SGO2: variants seen among roughly 807,000 people sequenced by gnomAD.
SGO2 encodes the protein shugoshin-like 2.
In SGO2, 68 loss-of-function variants were observed where a neutral mutation model predicts 99.5. The observed-to-expected ratio is 0.68, with a 90% CI of 0.56 to 0.84. The LOEUF (loss-of-function observed/expected upper bound fraction) is 0.84, where lower values mean the gene tolerates loss of function less well. Ranked by LOEUF, SGO2 falls within the 40% of genes least tolerant of loss-of-function variation. SGO2 has a pLI of 0.00. For synonymous variants in SGO2, 457 were observed against 487.1 expected (o/e 0.94, Z 0.81); for missense variants, 1,350 against 1,436.7 (o/e 0.94, Z 0.97).
chr2:200,563,991 G>T (rs2033084309), intron 5 of SGO2, among the ~76,000 whole-genome samples: 2 of 151,950 alleles, frequency 1.3e-5, no homozygotes, highest in East Asian at 1.9e-4. Flanking sequence ...CAATTTTGTT[G>T]ATCTTTTCAA....
At chr2:200,582,316 T>C (rs888887790) in intron 8 of SGO2, among the ~76,000 whole-genome samples, 4 of 152,054 alleles carry the variant, frequency 2.6e-5, no homozygotes, top group Non-Finnish European at 4.4e-5. Context: ...AACCTAAACA[T>C]TGCATTCACA....
intron 5 of SGO2, among the ~76,000 whole-genome samples, chr2:200,567,029 A>T (rs2033218404): frequency 6.6e-6 from 1 of 152,166 alleles, no homozygotes; most frequent in African/African-American, 2.4e-5. Context: ...AGGTGAGGCG[A>T]TGCCTTGCAG....
At chr2:200,543,437 G>A (rs1215076304) in intron 5 of SGO2, 1 of 152,236 alleles carries the variant, frequency 6.6e-6, no homozygotes, top group East Asian at 1.9e-4. Flanking sequence ...AAGTCAGTCA[G>A]TGATGCTCAG....
At chr2:200,553,506 AACTGATGAG>A (rs2032581347) in intron 5 of SGO2, among the ~76,000 whole-genome samples, 1 of 152,188 alleles carries the variant, frequency 6.6e-6, no homozygotes, top group Admixed American at 6.5e-5. Context: ...ACTCAAAAAC[AACTGATGAG>A]ACTAGAATCC....
intron 5 of SGO2, among the ~76,000 whole-genome samples, chr2:200,563,952 CTTCT>C (rs1185095703): frequency 6.6e-6 from 1 of 151,962 alleles, no homozygotes; most frequent in Non-Finnish European, 1.5e-5. Context: ...TCTCTCTTTT[CTTCT>C]TTATTAGTCT....
intron 3 of SGO2, 70 bp from the exon 4 acceptor site, chr2:200,535,995 T>C (rs1250724016): frequency 5.0e-6 from 5 of 1,004,194 alleles, no homozygotes. Context: ...ATGGCATTCA[T>C]AAATGCCTGA....
intron 5 of SGO2, among the ~76,000 whole-genome samples, chr2:200,550,431 C>T (rs1355747512): frequency 6.6e-6 from 1 of 152,138 alleles, no homozygotes; most frequent in East Asian, 1.9e-4. Flanking sequence ...GGAGGCATCA[C>T]ACTACATGAC....
chr2:200,559,528 C>T (rs1027682472), intron 5 of SGO2, among the ~76,000 whole-genome samples: 3 of 151,952 alleles, frequency 2.0e-5, no homozygotes, highest in African/African-American at 7.3e-5. Flanking sequence ...CAATTTTCAG[C>T]CTCTCTTTTA....
At chr2:200,545,315 G>A (rs1055198065) in intron 5 of SGO2, among the ~76,000 whole-genome samples, 3 of 152,046 alleles carry the variant, frequency 2.0e-5, no homozygotes, top group Admixed American at 6.6e-5. Context: ...CATATTCTTC[G>A]TGTATCTTCT....
At position 200,570,932 on chromosome 2, in the gene SGO2, C is replaced by A; in HGVS notation, c.704-118C>A. ...ATTCTTAGTAATATTAGGATCTGATCAGAACACATTGTCAGAAATTATATC... is the reference window on the plus strand; with the variant it reads ...ATTCTTAGTAATATTAGGATCTGATAAGAACACATTGTCAGAAATTATATC... On this transcript the variant is annotated intron_variant, in intron 6 of 8. Transcript: ENST00000357799. The surrounding 1 kb of genome is among the most constrained non-coding windows in gnomAD (Gnocchi z 4.4). The A allele has an allele frequency of 1.1e-6, 1 of 889,422 alleles. No homozygotes were observed. Among genetic ancestry groups the A allele is most frequent in the Non-Finnish European group, 1.7e-6 (1 of 601,210 alleles). 55.1% of individuals were successfully genotyped at this position (889,422 alleles called of 1,614,324 possible).
intron 5 of SGO2, among the ~76,000 whole-genome samples, chr2:200,550,008 A>C (rs1181540944): frequency 6.6e-6 from 1 of 152,272 alleles, no homozygotes; most frequent in Non-Finnish European, 1.5e-5. Flanking sequence ...AATTCAGTAA[A>C]GTTGCAGGAT....
chr2:200,551,264 G>A (rs1455068188), intron 5 of SGO2, among the ~76,000 whole-genome samples: 1 of 152,126 alleles, frequency 6.6e-6, no homozygotes, highest in African/African-American at 2.4e-5. Flanking sequence ...ATAAAGTATG[G>A]AAGATATATA....
chr2:200,556,820 C>CGA (rs57636355), intron 5 of SGO2, among the ~76,000 whole-genome samples: 175 of 149,830 alleles, frequency 1.2e-3, no homozygotes, highest in African/African-American at 3.6e-3. Context: ...AACTCCTGGC[C>CGA]GAGAGAGAGA....
intron 8 of SGO2, among the ~76,000 whole-genome samples, chr2:200,581,216 C>T (rs1284522458): frequency 6.6e-6 from 1 of 152,004 alleles, no homozygotes; most frequent in East Asian, 1.9e-4. Flanking sequence ...TGATATATAT[C>T]CATGAGATTT....
At chr2:200,577,156 A>G (rs1333799251) in intron 8 of SGO2, among the ~76,000 whole-genome samples, 2 of 152,050 alleles carry the variant, frequency 1.3e-5, no homozygotes, top group African/African-American at 4.8e-5. Flanking sequence ...ACCAACGATG[A>G]TGATTTTTAA....
intron 4 of SGO2, among the ~76,000 whole-genome samples, chr2:200,537,987 C>G (rs995320915): frequency 6.6e-6 from 1 of 152,130 alleles, no homozygotes; most frequent in African/African-American, 2.4e-5. Flanking sequence ...ACAATTCTAC[C>G]AGTTCTCACA....
intron 4 of SGO2, among the ~76,000 whole-genome samples, chr2:200,539,373 A>G (rs185571264): frequency 5.3e-5 from 8 of 151,926 alleles, no homozygotes; most frequent in Admixed American, 5.2e-4. Flanking sequence ...GATTAATTTT[A>G]TGTATTTGGG....
intron 5 of SGO2, among the ~76,000 whole-genome samples, chr2:200,565,408 G>C (rs548695618): frequency 3.9e-5 from 6 of 152,282 alleles, no homozygotes; most frequent in African/African-American, 1.4e-4. Context: ...CTTCTGGCTT[G>C]TAGAGTTTCT....
At chr2:200,578,455 A>G (rs565217394) in intron 8 of SGO2, among the ~76,000 whole-genome samples, 16 of 152,208 alleles carry the variant, frequency 1.1e-4, no homozygotes, top group Non-Finnish European at 1.5e-4. Context: ...ACAAAGCTGC[A>G]CTAAAGGTGT....
Sources: gnomAD v4.1 joint callset for allele counts (sites outside exome capture counted in the v4.1 genomes callset) on GRCh38, gnomAD v4.1.1 for gene constraint, Gnocchi (gnomAD v3.1) non-coding constraint, MANE v1.5 for transcripts, NCBI Gene and HGNC (gene_info 2026-07-23, HGNC 2026-07-21) for gene names.